The following BCAS4 variants were observed in gnomAD, a reference collection of about 807,000 sequenced individuals.
BCAS4 encodes the protein breast carcinoma-amplified sequence 4.
A neutral mutation model predicts 15.7 loss-of-function variants in BCAS4; 9 were observed. That is an observed-to-expected ratio of 0.57 (90% CI 0.34 to 1.00). The LOEUF (loss-of-function observed/expected upper bound fraction) is 1.00, where lower values mean the gene tolerates loss of function less well. Among genes scored for constraint, BCAS4 ranks in the 50% least tolerant of loss-of-function variants. BCAS4 has a pLI of 0.02. For missense variants in BCAS4, 225 were observed against 239.1 expected (o/e 0.94, Z 0.39); for synonymous variants, 101 against 99.5 (o/e 1.02, Z -0.09).
chr20:50,812,142 A>T (rs111710391), intron 1 of BCAS4, among the ~76,000 whole-genome samples: 35,859 of 150,924 alleles, frequency 0.24, 5,521 homozygotes, highest in African/African-American at 0.45. Flanking sequence ...TTATTTATTT[A>T]TTTTTTTTGA....
At chr20:50,797,522 C>T (rs1458645665) in intron 1 of BCAS4, among the ~76,000 whole-genome samples, 1 of 151,968 alleles carries the variant, frequency 6.6e-6, no homozygotes, top group Non-Finnish European at 1.5e-5. Flanking sequence ...CAGGGAAACC[C>T]CTGTCTCTAC....
Position 50,876,371 on chromosome 20 carries a change from G to C in BCAS4, c.400-115G>C, listed in dbSNP as rs960432694. The C allele has an allele frequency of 2.8e-6, 4 of 1,410,426 alleles. No homozygotes were observed. The African/African-American group carries it at 5.8e-5, about 20-fold the overall frequency. 87.4% of individuals were successfully genotyped at this position (1,410,426 alleles called of 1,614,324 possible). ...CAGGCAGTGCTGTCAGAGGAGCTCA[G>C]AGTCTTTGGTCATATGTGTGAGTCC... On this transcript the variant is annotated intron_variant, in intron 4 of 4. Coordinates refer to ENST00000371608, the MANE Select transcript of BCAS4 (RefSeq NM_198799.4).
chr20:50,828,425 C>T (rs1211060353), intron 2 of BCAS4, among the ~76,000 whole-genome samples: 1 of 152,000 alleles, frequency 6.6e-6, no homozygotes, highest in Admixed American at 6.6e-5. Flanking sequence ...CACAAGAAGT[C>T]TGATGTACTT....
At chr20:50,849,121 C>G (rs549730182) in intron 4 of BCAS4, among the ~76,000 whole-genome samples, 1 of 152,396 alleles carries the variant, frequency 6.6e-6, no homozygotes, top group East Asian at 1.9e-4. Flanking sequence ...CTCCTCCTGG[C>G]TCACGTGCCC....
chr20:50,867,948 A>T (rs919071680), intron 4 of BCAS4, among the ~76,000 whole-genome samples: 2 of 151,862 alleles, frequency 1.3e-5, no homozygotes, highest in African/African-American at 4.8e-5. Flanking sequence ...ACACAAAGTG[A>T]TGGGATTACA....
At chr20:50,811,953 T>C (rs2088069539) in intron 1 of BCAS4, among the ~76,000 whole-genome samples, 2 of 152,174 alleles carry the variant, frequency 1.3e-5, no homozygotes, top group African/African-American at 4.8e-5. Context: ...AATCATGTCA[T>C]GCGTGACCTT....
intron 1 of BCAS4, among the ~76,000 whole-genome samples, chr20:50,800,027 G>A (rs141719015): frequency 6.8e-4 from 104 of 152,280 alleles, no homozygotes; most frequent in Non-Finnish European, 1.3e-3. Flanking sequence ...CAGCCTGGGC[G>A]ACAGAGTGAG....
chr20:50,862,189 C>G (rs916628432), intron 4 of BCAS4, among the ~76,000 whole-genome samples: 1 of 151,816 alleles, frequency 6.6e-6, no homozygotes, highest in African/African-American at 2.4e-5. Flanking sequence ...CCCCACTTCC[C>G]CTCATTTTCC....
chr20:50,834,063 A>G (rs926506612), intron 3 of BCAS4, among the ~76,000 whole-genome samples: 60 of 152,180 alleles, frequency 3.9e-4, no homozygotes, highest in African/African-American at 1.4e-3. Flanking sequence ...CAAGGTCAGG[A>G]ATGAGACGGA....
chr20:50,827,474 A>G (rs773261392), intron 2 of BCAS4, among the ~76,000 whole-genome samples: 23 of 152,028 alleles, frequency 1.5e-4, no homozygotes, highest in Non-Finnish European at 2.9e-4. Flanking sequence ...GACCCATTCA[A>G]TCCTCTGCAC....
At chr20:50,865,908 G>A (rs1979331468) in intron 4 of BCAS4, among the ~76,000 whole-genome samples, 1 of 152,154 alleles carries the variant, frequency 6.6e-6, no homozygotes, top group South Asian at 2.1e-4. Context: ...AAGACTCAGG[G>A]CCCTGGAGCA....
intron 1 of BCAS4, among the ~76,000 whole-genome samples, chr20:50,810,891 T>C (rs112329086): frequency 0.033 from 5,045 of 151,848 alleles, 100 homozygotes; most frequent in African/African-American, 0.051. Context: ...TGCCCGGCCA[T>C]GAAAAAAATA....
At chr20:50,803,819 AAGAG>A (rs974482298) in intron 1 of BCAS4, among the ~76,000 whole-genome samples, 4 of 150,124 alleles carry the variant, frequency 2.7e-5, no homozygotes, top group Non-Finnish European at 4.4e-5. Context: ...AAAAAAAAAA[AAGAG>A]AGAGAAAAAT....
intron 1 of BCAS4, among the ~76,000 whole-genome samples, chr20:50,798,272 G>A (rs1162491515): frequency 6.6e-6 from 1 of 151,908 alleles, no homozygotes; most frequent in Non-Finnish European, 1.5e-5. Context: ...CTCCAGCCTG[G>A]GCAATAGAGT....
At chr20:50,805,808 C>T (rs768049050) in intron 1 of BCAS4, among the ~76,000 whole-genome samples, 25 of 152,068 alleles carry the variant, frequency 1.6e-4, no homozygotes, top group Non-Finnish European at 2.4e-4. Context: ...AACCTCGTCT[C>T]TTCTAAAAAT....
chr20:50,836,237 T>C (rs1047200002), intron 3 of BCAS4, among the ~76,000 whole-genome samples: 2 of 152,240 alleles, frequency 1.3e-5, no homozygotes, highest in Non-Finnish European at 2.9e-5. Context: ...TCCTATTAGC[T>C]CAAGTGTGTG....
chr20:50,800,914 A>C (rs1438942209), intron 1 of BCAS4, among the ~76,000 whole-genome samples: 1 of 152,182 alleles, frequency 6.6e-6, no homozygotes, highest in Non-Finnish European at 1.5e-5. Flanking sequence ...TATTTCTCCA[A>C]ACTCTGTACC....
chr20:50,814,923 C>T (rs909459791), intron 1 of BCAS4, among the ~76,000 whole-genome samples: 3 of 152,100 alleles, frequency 2.0e-5, no homozygotes, highest in Non-Finnish European at 4.4e-5. Flanking sequence ...GCCTGGGCAA[C>T]ATAGTGAGAC....
At chr20:50,873,334 C>T (rs1979752057) in intron 4 of BCAS4, among the ~76,000 whole-genome samples, 1 of 152,202 alleles carries the variant, frequency 6.6e-6, no homozygotes, top group East Asian at 1.9e-4. Context: ...GGAGAGGCCG[C>T]CTGGCTGGGC....
Sources: gnomAD v4.1 joint callset for allele counts (sites outside exome capture counted in the v4.1 genomes callset) on GRCh38, gnomAD v4.1.1 for gene constraint, MANE v1.5 for transcripts, NCBI Gene and HGNC (gene_info 2026-07-23, HGNC 2026-07-21) for gene names.